RABEP1: variants seen among roughly 807,000 people sequenced by gnomAD.
The protein encoded by RABEP1 is rabaptin, RAB GTPase binding effector protein 1, also known as rab GTPase-binding effector protein 1.
In RABEP1, 51 loss-of-function variants were observed where a neutral mutation model predicts 123.4. The observed-to-expected ratio is 0.41, with a 90% confidence interval of 0.33 to 0.52. The LOEUF is 0.52. RABEP1 is among the 20% of genes least tolerant of loss of function. The probability of loss-of-function intolerance (pLI) is 0.16; values close to 1 mark genes in which losing one functional copy is unlikely to be tolerated. For missense variants in RABEP1, 888 were observed against 996.3 expected, an observed-to-expected ratio of 0.89 and a Z score of 1.46; for synonymous variants, 347 against 355.2, an observed-to-expected ratio of 0.98 and a Z score of 0.26.
In RABEP1 at chr17:5,282,376, G is replaced by GGGCGGCGGC. The variant is rs878972858; in HGVS notation, c.-101_-93dup. On this transcript the variant is annotated 5_prime_UTR_variant, in exon 1 of 18. Transcript: ENST00000537505. The stretch of plus-strand genomic sequence containing the variant: ...GATCCAGCCTTAGCGGTTTCTCTCT[G>GGGCGGCGGC]GGCGGCGGCGGCGGCGGCTCGGTTG... 1.1e-6 allele frequency: 1 copy of GGGCGGCGGC among 888,016 alleles called. No individual in the cohort carries two copies. Among genetic ancestry groups the GGGCGGCGGC allele is most frequent in the Non-Finnish European group, 1.5e-6 (1 of 656,614 alleles). 55.0% of individuals were successfully genotyped at this position (888,016 alleles called of 1,614,324 possible). A position where few individuals can be genotyped will look rare whatever the true frequency, so the allele number is the denominator to read the frequency against.
At chr17:5,295,005 A>C (rs1320002273) in intron 1 of RABEP1, among the ~76,000 whole-genome samples, 2 of 152,050 alleles carry the variant, frequency 1.3e-5, no homozygotes, top group African/African-American at 4.8e-5. Flanking sequence ...AAAACGTAAA[A>C]ATTTGATAGA....
In RABEP1 at chr17:5,363,761, G is replaced by A. The variant is rs959668993; in HGVS notation, c.1668+745G>A. Among the ~76,000 whole-genome samples, 57 of 152,228 alleles carry A rather than the reference G, an allele frequency of 3.7e-4. 1 individual carries two copies. Among genetic ancestry groups the A allele is most frequent in the African/African-American group, 1.3e-3 (55 of 41,536 alleles). On this transcript the variant is annotated intron_variant, in intron 10 of 17. Transcript: ENST00000537505. ...CTTCAGTGCATATTACTCATTTCTT[G>A]TCATAAATTTGTTGAATTAAGGTTA...
intron 10 of RABEP1, among the ~76,000 whole-genome samples, chr17:5,363,532 G>T (rs548214555): frequency 5.9e-5 from 9 of 151,978 alleles, no homozygotes; most frequent in Middle Eastern, 3.4e-3. Context: ...CTCTGTTTTT[G>T]TATATCTGCA....
chr17:5,295,419 A>G (rs1212252376), intron 1 of RABEP1, among the ~76,000 whole-genome samples: 2 of 151,724 alleles, frequency 1.3e-5, no homozygotes, highest in South Asian at 2.1e-4. Flanking sequence ...TTTTAATGGT[A>G]TGTAACAATA....
chr17:5,305,311 C>T (rs191537697), intron 1 of RABEP1, among the ~76,000 whole-genome samples: 54 of 152,182 alleles, frequency 3.5e-4, no homozygotes, highest in Non-Finnish European at 4.9e-4. Context: ...TCGATATACT[C>T]TCAAAAGATC....
At chr17:5,342,849 A>G (rs1261181908) in intron 5 of RABEP1, among the ~76,000 whole-genome samples, 2 of 152,216 alleles carry the variant, frequency 1.3e-5, no homozygotes, top group Non-Finnish European at 2.9e-5. Context: ...TTACTGGTTT[A>G]GGGATAAACA....
intron 8 of RABEP1, 73 bp downstream of exon 8, chr17:5,354,563 A>G: frequency 7.2e-7 from 1 of 1,396,612 alleles, no homozygotes; most frequent in Non-Finnish European, 9.7e-7. Context: ...ACATCAGTTA[A>G]TTACATTGTT....
At chr17:5,330,929 T>TG (rs542419216) in intron 2 of RABEP1, among the ~76,000 whole-genome samples, 11 of 150,028 alleles carry the variant, frequency 7.3e-5, no homozygotes, top group Non-Finnish European at 1.5e-4. Context: ...GAGGCTGAGG[T>TG]GGGGGGATCG....
intron 15 of RABEP1, among the ~76,000 whole-genome samples, chr17:5,379,716 A>T (rs780342508): frequency 6.6e-6 from 1 of 152,156 alleles, no homozygotes; most frequent in Non-Finnish European, 1.5e-5. Flanking sequence ...CTGCCTCCAA[A>T]ATTTGTCCCT....
In RABEP1 at chr17:5,333,606, A is replaced by T. The variant is rs542638291; in HGVS notation, c.367+1454A>T. 3.6e-4 allele frequency among the ~76,000 whole-genome samples: 55 copies of T among 152,266 alleles called. No homozygotes were observed. In the South Asian group the frequency reaches 0.01, roughly 29 times the overall value. On this transcript the variant is annotated intron_variant, in intron 3 of 17. Coordinates refer to ENST00000537505, the MANE Select transcript of RABEP1 (RefSeq NM_004703.6). Reference sequence around the variant, plus strand: ...CTGAGTGTATAGCTATGGCCTAGAGATTACTCTAGGCTTCATATAACAAAC... The same window carrying T: ...CTGAGTGTATAGCTATGGCCTAGAGTTTACTCTAGGCTTCATATAACAAAC...
At chr17:5,300,364 A>G (rs2075125056) in intron 1 of RABEP1, among the ~76,000 whole-genome samples, 1 of 152,216 alleles carries the variant, frequency 6.6e-6, no homozygotes, top group Admixed American at 6.5e-5. Flanking sequence ...TCTCATGATT[A>G]GACTGACATA....
intron 2 of RABEP1, among the ~76,000 whole-genome samples, chr17:5,324,425 A>ATG (rs1905762098): frequency 6.6e-6 from 1 of 152,236 alleles, no homozygotes; most frequent in African/African-American, 2.4e-5. Flanking sequence ...CTCCATATAT[A>ATG]CACAACAATC....
At chr17:5,298,300 A>G (rs2075101642) in intron 1 of RABEP1, among the ~76,000 whole-genome samples, 1 of 152,208 alleles carries the variant, frequency 6.6e-6, no homozygotes, top group Non-Finnish European at 1.5e-5. Context: ...CTATGTTACA[A>G]TCAAGGGAAG....
chr17:5,292,421 CT>C (rs1214680967), intron 1 of RABEP1, among the ~76,000 whole-genome samples: 1 of 151,602 alleles, frequency 6.6e-6, no homozygotes, highest in African/African-American at 2.4e-5. Context: ...TGGAGTTTCG[CT>C]TCGTTACCAG....
chr17:5,282,536 TGGCAGGCGC>T lies in RABEP1; in HGVS notation c.34+20_34+28del, dbSNP rs1440256166. The T allele has an allele frequency of 7.5e-6, 9 of 1,197,678 alleles. No homozygotes were observed. Among genetic ancestry groups the T allele is most frequent in the African/African-American group, 1.6e-5 (1 of 62,932 alleles). 74.2% of individuals were successfully genotyped at this position (1,197,678 alleles called of 1,614,324 possible). ...CAGCCTGACGGTGAGGCGCCCACCA[TGGCAGGCGC>T]GGCGGGCGCGGCCTGCCCGGCGTCG... On this transcript the variant is annotated intron_variant, in intron 1 of 17. Coordinates refer to ENST00000537505, the MANE Select transcript of RABEP1 (RefSeq NM_004703.6).
chr17:5,381,562 C>T, intron 17 of RABEP1, 57 bp downstream of exon 17: 1 of 1,563,652 alleles, frequency 6.4e-7, no homozygotes. Context: ...GGGACAGAAC[C>T]TTGCCGATCC....
At chr17:5,382,059 G>GT (rs200765647) in intron 17 of RABEP1, among the ~76,000 whole-genome samples, 2 of 149,310 alleles carry the variant, frequency 1.3e-5, no homozygotes, top group Non-Finnish European at 3.0e-5. Flanking sequence ...CTAAAACTAA[G>GT]TTTTTTTCCC....
chr17:5,313,457 A>G (rs900867297), intron 2 of RABEP1, among the ~76,000 whole-genome samples: 1 of 152,208 alleles, frequency 6.6e-6, no homozygotes, highest in Non-Finnish European at 1.5e-5. Flanking sequence ...TCTGTCCCCA[A>G]TAAAACTGTT....
chr17:5,331,850 G>A (rs1474042043), intron 2 of RABEP1, 99 bp from the exon 3 acceptor site: 8 of 1,063,648 alleles, frequency 7.5e-6, no homozygotes, highest in Non-Finnish European at 9.5e-6. Flanking sequence ...GTGTCATTTT[G>A]TATGTTTATA....
Sources: allele counts gnomAD v4.1 joint callset (sites outside exome capture counted in the v4.1 genomes callset), GRCh38; gene constraint gnomAD v4.1.1; transcripts MANE v1.5; gene names NCBI Gene and HGNC (gene_info 2026-07-23, HGNC 2026-07-21).